The following CGREF1 variants were observed in gnomAD, a reference collection of about 807,000 sequenced individuals.
The protein encoded by CGREF1 is cell growth regulator with EF hand domain protein 1.
CGREF1 carries 16 observed loss-of-function variants against 17.4 expected under a neutral mutation model. That is an observed-to-expected ratio of 0.92 (90% CI 0.62 to 1.40). The LOEUF (loss-of-function observed/expected upper bound fraction) is 1.40, where lower values mean the gene tolerates loss of function less well. Among genes scored for constraint, CGREF1 ranks in the 40% most tolerant of loss-of-function variants. CGREF1 has a pLI of 0.00. For missense variants in CGREF1, 296 were observed against 376.4 expected (o/e 0.79, Z 1.77); for synonymous variants, 142 against 154.6 (o/e 0.92, Z 0.61).
intron 1 of CGREF1, among the ~76,000 whole-genome samples, chr2:27,114,582 G>C (rs1270482070): frequency 6.6e-6 from 1 of 152,190 alleles, no homozygotes; most frequent in Non-Finnish European, 1.5e-5. Context: ...AAGTGACCTA[G>C]CTTATGCCTG....
chr2:27,099,541 A>G, downstream of CGREF1: 1 of 1,614,120 alleles, frequency 6.2e-7, no homozygotes, highest in Non-Finnish European at 8.5e-7. Flanking sequence ...AGCTGGAGAC[A>G]CCTTCAATGC....
At chr2:27,099,795 G>A, downstream of CGREF1, 1 of 1,600,488 alleles carries the variant, frequency 6.2e-7, no homozygotes, top group Non-Finnish European at 8.5e-7. Flanking sequence ...TACCATTGCG[G>A]CTGCATCGCC....
intron 1 of CGREF1, among the ~76,000 whole-genome samples, chr2:27,105,073 C>T (rs1400816375): frequency 6.6e-6 from 1 of 152,208 alleles, no homozygotes; most frequent in Non-Finnish European, 1.5e-5. Flanking sequence ...CAAAATCAAC[C>T]ACTTGAGTAT....
chr2:27,109,616 T>G (rs1671271132), intron 1 of CGREF1, among the ~76,000 whole-genome samples: 1 of 151,906 alleles, frequency 6.6e-6, no homozygotes. Flanking sequence ...CTGGGCGCGG[T>G]GGCTCACGCC....
downstream of CGREF1, chr2:27,099,976 C>A (rs1197199612): frequency 2.0e-5 from 18 of 912,840 alleles, no homozygotes; most frequent in Non-Finnish European, 3.0e-5. Context: ...GCCAGCTTCT[C>A]CTCTCAATGT....
chr2:27,111,655 C>T (rs1186354696), intron 1 of CGREF1, among the ~76,000 whole-genome samples: 11 of 152,190 alleles, frequency 7.2e-5, no homozygotes, highest in Admixed American at 7.2e-4. Flanking sequence ...AGCCCTGCCC[C>T]GCGGGGAGGC....
chr2:27,099,434 G>A, downstream of CGREF1: 2 of 1,613,960 alleles, frequency 1.2e-6, no homozygotes, highest in Non-Finnish European at 1.7e-6. Flanking sequence ...GTGCTTGTCT[G>A]TGCCTGGGCT....
At chr2:27,106,354 A>G (rs1671117637) in intron 1 of CGREF1, among the ~76,000 whole-genome samples, 1 of 152,232 alleles carries the variant, frequency 6.6e-6, no homozygotes, top group Non-Finnish European at 1.5e-5. Context: ...GGTGAACTTG[A>G]GCTGCCTGTC....
At chr2:27,115,694 T>C (rs1391901866) in intron 1 of CGREF1, among the ~76,000 whole-genome samples, 1 of 152,238 alleles carries the variant, frequency 6.6e-6, no homozygotes, top group African/African-American at 2.4e-5. Flanking sequence ...AATCTTCACC[T>C]GGGCATTCAA....
At chr2:27,110,127 G>C (rs1052362921) in intron 1 of CGREF1, among the ~76,000 whole-genome samples, 3 of 152,124 alleles carry the variant, frequency 2.0e-5, no homozygotes, top group Non-Finnish European at 4.4e-5. Flanking sequence ...GGAGGCCGAG[G>C]TGGGAGGATC....
Position 27,102,081 on chromosome 2 carries a change from A to G in CGREF1, c.342+16T>C. On this transcript the variant is annotated intron_variant, in intron 5 of 5. Transcript: ENST00000402394. ...GGGTCTCCTTTATGCGGGGATCTCC[A>G]TCCAGCAGAGCTTACCGGGTTGGTG... is the stretch of plus-strand genomic sequence containing the variant. 6.3e-7 allele frequency: 1 copy of G among 1,595,530 alleles called. No individual in the cohort carries two copies. The highest frequency in any genetic ancestry group is 8.6e-7 in the Non-Finnish European group (1 of 1,167,560).
intron 1 of CGREF1, among the ~76,000 whole-genome samples, chr2:27,118,175 C>G (rs1337786739): frequency 6.6e-6 from 1 of 152,108 alleles, no homozygotes; most frequent in Non-Finnish European, 1.5e-5. Context: ...CAGGGTTATC[C>G]TGGGTAACTT....
At chr2:27,116,871 T>TTCTCCCTCTCTCTCTCTCTCTCCC (rs1671586605) in intron 1 of CGREF1, among the ~76,000 whole-genome samples, 1 of 33,680 alleles carries the variant, frequency 3.0e-5, no homozygotes, top group Non-Finnish European at 5.9e-5. Context: ...GCCAGGCCTA[T>TTCTCCCTCTCTCTCTCTCTCTCCC]TCTCTCTCTC....
chr2:27,104,232 C>G (rs1671028245), intron 2 of CGREF1, 55 bp downstream of exon 2: 3 of 1,508,958 alleles, frequency 2.0e-6, no homozygotes, highest in Non-Finnish European at 2.7e-6. Flanking sequence ...CCCTTGGATT[C>G]TCTAGAGACT....
At chr2:27,099,401 G>C, downstream of CGREF1, 1 of 1,612,818 alleles carries the variant, frequency 6.2e-7, no homozygotes, top group Non-Finnish European at 8.5e-7. Flanking sequence ...ACACCCAGCT[G>C]AGTGGAGCCG....
In CGREF1 at chr2:27,101,855, G is replaced by A. The variant is rs1316673800; in HGVS notation, c.376C>T (p.Gln126Ter). The change falls in exon 6 of 6, where the codon CAG (glutamine) becomes TAG (stop). Residue 126 changes from glutamine (Q) to a stop codon, truncating the protein, a stop_gained. Transcript: ENST00000402394. LOFTEE classifies it low-confidence loss of function (END_TRUNC). Reference sequence around the variant, plus strand: ...ATGAGCCCATCCCCATTCAGGTCCTGGGTCTCGAGCACTTTGTCCACTATC... The same window carrying A: ...ATGAGCCCATCCCCATTCAGGTCCTAGGTCTCGAGCACTTTGTCCACTATC... ...ILIVDKVLET[Q>*]DLNGDGLMTP... The A allele has an allele frequency of 1.2e-6, 2 of 1,613,778 alleles. No individual in the cohort carries two copies. The highest frequency in any genetic ancestry group is 3.3e-5 in the Admixed American group (2 of 60,020).
At chr2:27,116,223 CA>C (rs34733143) in intron 1 of CGREF1, among the ~76,000 whole-genome samples, 2,827 of 104,164 alleles carry the variant, frequency 0.027, 87 homozygotes, top group African/African-American at 0.092. Flanking sequence ...AAGATGCCAC[CA>C]AAAAAAAAAA....
At chr2:27,107,389 G>A (rs1013074644) in intron 1 of CGREF1, among the ~76,000 whole-genome samples, 1 of 151,862 alleles carries the variant, frequency 6.6e-6, no homozygotes, top group African/African-American at 2.4e-5. Flanking sequence ...TAAGTAGCTG[G>A]GATTACAGGC....
In CGREF1 at chr2:27,101,091, T is replaced by C; in HGVS notation, c.*183A>G. 1 of 1,361,316 alleles carries C rather than the reference T, an allele frequency of 7.3e-7. No individual in the cohort carries two copies. The highest frequency in any genetic ancestry group is 9.4e-7 in the Non-Finnish European group (1 of 1,064,036). The allele number at this position is 1,361,316 out of a possible 1,614,324, so 84.3% of individuals were successfully genotyped here. A position where few individuals can be genotyped will look rare whatever the true frequency, so the allele number is the denominator to read the frequency against. ...TGGCCGGGGGGATGAATTCATTCAG[T>C]TCTTTATTGGTAATCTGCCCCTTAA... is the stretch of plus-strand genomic sequence containing the variant. On this transcript the variant is annotated 3_prime_UTR_variant, in exon 6 of 6. Coordinates refer to ENST00000402394, the MANE Select transcript of CGREF1 (RefSeq NM_006569.6).
Sources: gnomAD v4.1 joint callset for allele counts (sites outside exome capture counted in the v4.1 genomes callset) on GRCh38, gnomAD v4.1.1 for gene constraint, MANE v1.5 for transcripts, NCBI Gene and HGNC (gene_info 2026-07-23, HGNC 2026-07-21) for gene names.